Variants in ACSF2 observed in about 807,000 individuals in gnomAD.
The protein encoded by ACSF2 is medium-chain acyl-CoA ligase ACSF2, mitochondrial.
Under a neutral mutation model 79.3 loss-of-function variants are expected in ACSF2, and 52 were observed. That is an observed-to-expected ratio of 0.66 (90% CI 0.53 to 0.83). The LOEUF (loss-of-function observed/expected upper bound fraction) is 0.83, where lower values mean the gene tolerates loss of function less well. Ranked by LOEUF, ACSF2 falls within the 40% of genes least tolerant of loss-of-function variation. ACSF2 has a pLI of 0.00. For synonymous variants in ACSF2, 283 were observed against 312.6 expected (o/e 0.91, Z 1.00); for missense variants, 661 against 803.3 (o/e 0.82, Z 2.14).
chr17:50,463,262 A>C lies in ACSF2; in HGVS notation c.888+11A>C. 2 of 1,614,000 alleles carry C rather than the reference A, an allele frequency of 1.2e-6. No homozygotes were observed. Among genetic ancestry groups the C allele is most frequent in the Non-Finnish European group, 1.7e-6 (2 of 1,179,974 alleles). On this transcript the variant is annotated intron_variant, in intron 7 of 15. Coordinates refer to ENST00000300441, the MANE Select transcript of ACSF2 (RefSeq NM_025149.6). The surrounding 1 kb of genome is among the most constrained non-coding windows in gnomAD (Gnocchi z 4.6). ...AAACTGCATGAGAAGGTGAGGCGGC[A>C]CTAGGCCCAGGGCAAGGCTGCAGGA...
chr17:50,472,499 G>A lies in ACSF2; in HGVS notation c.1395G>A (p.Gly465=). Reference sequence around the variant, plus strand: ...CGCCCGGGGAGCTGTGCATCCGAGGGTACTGCGTCATGCTGGGCTACTGGG... The same window carrying A: ...CGCCCGGGGAGCTGTGCATCCGAGGATACTGCGTCATGCTGGGCTACTGGG... ...LNTPGELCIR[G]YCVMLGYWGE... Residue 465 remains glycine, a synonymous_variant, in exon 12 of 16, where the codon GGG becomes GGA. Coordinates refer to ENST00000300441, the MANE Select transcript of ACSF2 (RefSeq NM_025149.6). The A allele has an allele frequency of 6.2e-7, 1 of 1,613,096 alleles. No homozygotes were observed. Among genetic ancestry groups the A allele is most frequent in the Non-Finnish European group, 8.5e-7 (1 of 1,179,542 alleles).
intron 9 of ACSF2, 45 bp from the exon 10 acceptor site, chr17:50,464,173 G>A: frequency 6.3e-7 from 1 of 1,582,764 alleles, no homozygotes. Context: ...GACTCCACTG[G>A]GCCTGGAGAA....
chr17:50,431,938 G>A (rs992868588), intron 1 of ACSF2, among the ~76,000 whole-genome samples: 2 of 151,592 alleles, frequency 1.3e-5, no homozygotes, highest in Non-Finnish European at 2.9e-5. Flanking sequence ...ACAAGGTCTC[G>A]CTCTGTCACC....
intron 1 of ACSF2, among the ~76,000 whole-genome samples, chr17:50,442,698 C>G (rs1207222132): frequency 6.6e-6 from 1 of 152,134 alleles, no homozygotes; most frequent in South Asian, 2.1e-4. Flanking sequence ...CTCCTGAATT[C>G]AAGCGATTTT....
Position 50,467,882 on chromosome 17 carries a change from C to G in ACSF2, c.1216-3146C>G, listed in dbSNP as rs191822710. 23 of 662,028 alleles carry G rather than the reference C, an allele frequency of 3.5e-5. No individual in the cohort carries two copies. The East Asian group carries it at 5.5e-4, about 16-fold the overall frequency. 41.0% of individuals were successfully genotyped at this position (662,028 alleles called of 1,614,324 possible). ...GACAGGGATTAGGGTAGGGATGTGACAAGGCGAGGAAGGGAGGTGGCAGAG... is the reference window on the plus strand; with the variant it reads ...GACAGGGATTAGGGTAGGGATGTGAGAAGGCGAGGAAGGGAGGTGGCAGAG... On this transcript the variant is annotated intron_variant, in intron 10 of 15. Coordinates refer to ENST00000300441, the MANE Select transcript of ACSF2 (RefSeq NM_025149.6).
rs1462780194 is a variant in ACSF2, at chr17:50,466,572, CTG to C, written c.1215+2279_1215+2280del. ...CAGAGTTTGGCCCCAGCAATCCAAACTGGTACACGGTGAACTTGGTCTGTGCT... is the reference window on the plus strand; with the variant it reads ...CAGAGTTTGGCCCCAGCAATCCAAACGTACACGGTGAACTTGGTCTGTGCT... On this transcript the variant is annotated intron_variant, in intron 10 of 15. Coordinates refer to ENST00000300441, the MANE Select transcript of ACSF2 (RefSeq NM_025149.6). Among the ~76,000 whole-genome samples the C allele has an allele frequency of 2.0e-5, 3 of 152,318 alleles. No homozygotes were observed. The East Asian group carries it at 5.8e-4, about 29-fold the overall frequency.
intron 1 of ACSF2, among the ~76,000 whole-genome samples, chr17:50,453,487 C>T (rs1188737915): frequency 2.0e-5 from 3 of 151,940 alleles, no homozygotes; most frequent in Non-Finnish European, 2.9e-5. Flanking sequence ...GGGTTACAGG[C>T]GTGAGCCACC....
At chr17:50,435,097 C>G (rs547438654) in intron 1 of ACSF2, among the ~76,000 whole-genome samples, 19 of 152,192 alleles carry the variant, frequency 1.2e-4, no homozygotes, top group African/African-American at 4.6e-4. Context: ...CTCAAACTCC[C>G]GACCTCAGGT....
chr17:50,444,588 G>A (rs2031170607), intron 1 of ACSF2, among the ~76,000 whole-genome samples: 2 of 151,232 alleles, frequency 1.3e-5, no homozygotes, highest in African/African-American at 4.9e-5. Context: ...GCTGCTAAAG[G>A]ATCAGAGACT....
At chr17:50,470,488 CT>C (rs1025972135) in intron 10 of ACSF2, among the ~76,000 whole-genome samples, 1 of 151,952 alleles carries the variant, frequency 6.6e-6, no homozygotes, top group African/African-American at 2.4e-5. Context: ...CTCTCCAGAG[CT>C]TGGGGGACGC....
rs181572534 is a variant in ACSF2, at chr17:50,446,429, T to A, written c.129-14248T>A. Among the ~76,000 whole-genome samples the A allele has an allele frequency of 2.0e-5, 3 of 152,312 alleles. No homozygotes were observed. The East Asian group carries it at 5.8e-4, about 29-fold the overall frequency. On this transcript the variant is annotated intron_variant, in intron 1 of 15. Coordinates refer to ENST00000300441, the MANE Select transcript of ACSF2 (RefSeq NM_025149.6). Reference sequence around the variant, plus strand: ...CATGCCACCATGCCTGGTTAATTTTTGTATTTTTAGTAGAGACGGGGTTTC... The same window carrying A: ...CATGCCACCATGCCTGGTTAATTTTAGTATTTTTAGTAGAGACGGGGTTTC...
chr17:50,465,813 T>C, intron 10 of ACSF2: 1 of 1,613,822 alleles, frequency 6.2e-7, no homozygotes, highest in Non-Finnish European at 8.5e-7. Flanking sequence ...TTCAAGCGGT[T>C]GTTCTCCAAA....
intron 1 of ACSF2, among the ~76,000 whole-genome samples, chr17:50,428,946 T>C (rs906823315): frequency 2.6e-5 from 4 of 152,230 alleles, no homozygotes; most frequent in African/African-American, 7.2e-5. Context: ...GGAGGAGAAA[T>C]AAATCAAGGT....
intron 1 of ACSF2, among the ~76,000 whole-genome samples, chr17:50,437,389 C>T (rs1332657666): frequency 6.6e-6 from 1 of 152,190 alleles, no homozygotes; most frequent in Non-Finnish European, 1.5e-5. Context: ...ATGGCTTACG[C>T]CTGTAATCCC....
rs202128383 is a variant in ACSF2, at chr17:50,468,817, T to C, written c.1216-2211T>C. 1,867 of 1,516,218 alleles carry C rather than the reference T, an allele frequency of 1.2e-3. 18 individuals carry two copies. The African/African-American group carries it at 0.02, about 16-fold the overall frequency. The allele number at this position is 1,516,218 out of a possible 1,614,324, so 93.9% of individuals were successfully genotyped here. A position where few individuals can be genotyped will look rare whatever the true frequency, so the allele number is the denominator to read the frequency against. ...GCAAGAGCATTGGGCGGACCATGGC[T>C]GGGACGCCTGGGGCCGGGGCTGGGG... On this transcript the variant is annotated intron_variant, in intron 10 of 15. Transcript: ENST00000300441.
chr17:50,464,769 T>TA (rs2032573065), intron 10 of ACSF2: 1 of 156,536 alleles, frequency 6.4e-6, no homozygotes, highest in African/African-American at 4.1e-5. Flanking sequence ...CTGATTGACT[T>TA]GGGGGGGGGG....
chr17:50,442,857 C>T (rs2143573589), intron 1 of ACSF2, among the ~76,000 whole-genome samples: 1 of 151,522 alleles, frequency 6.6e-6, no homozygotes, highest in African/African-American at 2.4e-5. Context: ...TTTTTTTTCC[C>T]AGTTCTTTGC....
intron 1 of ACSF2, among the ~76,000 whole-genome samples, chr17:50,454,743 A>T (rs1038124459): frequency 5.3e-5 from 8 of 152,256 alleles, no homozygotes; most frequent in African/African-American, 1.9e-4. Flanking sequence ...TAGATGTCTG[A>T]GGGTGTGTCA....
chr17:50,467,722 A>C, intron 10 of ACSF2: 2 of 276,250 alleles, frequency 7.2e-6, no homozygotes, highest in East Asian at 6.6e-5. Context: ...CCCAACAGGA[A>C]GAGGTGGCTG....
Sources: allele counts gnomAD v4.1 joint callset (sites outside exome capture counted in the v4.1 genomes callset), GRCh38; gene constraint gnomAD v4.1.1; non-coding constraint Gnocchi (gnomAD v3.1); transcripts MANE v1.5; gene names NCBI Gene and HGNC (gene_info 2026-07-23, HGNC 2026-07-21).